The following ZNF425 variants were observed in gnomAD, a reference collection of about 807,000 sequenced individuals.
ZNF425 encodes zinc finger protein 425.
A neutral mutation model predicts 17.0 loss-of-function variants in ZNF425; 21 were observed. That is an observed-to-expected ratio of 1.23 (90% confidence interval 0.88 to 1.78). The LOEUF is 1.78. ZNF425 is among the 40% of genes most tolerant of loss of function. The pLI, the probability that ZNF425 is intolerant of heterozygous loss-of-function variation, is 0.00. For missense variants in ZNF425, 868 were observed against 967.3 expected, an observed-to-expected ratio of 0.90 and a Z score of 1.36; for synonymous variants, 433 against 384.1, an observed-to-expected ratio of 1.13 and a Z score of -1.49.
chr7:149,126,127 G>T, intron 1 of ZNF425, 69 bp downstream of exon 1: 3 of 1,609,374 alleles, frequency 1.9e-6, no homozygotes, highest in East Asian at 2.2e-5. Flanking sequence ...CCTGGACGCG[G>T]ACCCCAATCC....
chr7:149,105,258 A>AG lies in ZNF425; in HGVS notation c.612_613insC (p.Leu206AlafsTer45), dbSNP rs1465260888. On this transcript the variant is annotated frameshift_variant, in exon 4 of 4. Transcript: ENST00000378061. LOFTEE classifies it low-confidence loss of function (END_TRUNC). Reference sequence around the variant, plus strand: ...GAGTGGCTCCGTTTGTGCTTTAGCAAATCCCTCCTTACTTGGAAGACTTTC... The same window carrying AG: ...GAGTGGCTCCGTTTGTGCTTTAGCAAGATCCCTCCTTACTTGGAAGACTTTC... The AG allele has an allele frequency of 6.2e-7, 1 of 1,614,032 alleles. No individual in the cohort carries two copies. The highest frequency in any genetic ancestry group is 8.5e-7 in the Non-Finnish European group (1 of 1,180,028).
At chr7:149,109,897 G>A (rs1440003296) in intron 3 of ZNF425, among the ~76,000 whole-genome samples, 1 of 143,726 alleles carries the variant, frequency 7.0e-6, no homozygotes, top group East Asian at 2.0e-4. Context: ...TTTTTTTGGA[G>A]ACAGAGTCTC....
At position 149,104,354 on chromosome 7, in the gene ZNF425, G is replaced by A. The variant is rs1428005511; in HGVS notation, c.1517C>T (p.Thr506Ile). 6.2e-7 allele frequency: 1 copy of A among 1,612,836 alleles called. No homozygotes were observed. Among genetic ancestry groups the A allele is most frequent in the Non-Finnish European group, 8.5e-7 (1 of 1,179,692 alleles). Residue 506 changes from threonine to isoleucine, a missense_variant, in exon 4 of 4, where the codon ACC becomes ATC. This residue lies in a region of ZNF425 where 437 missense variants were observed against 444.2 expected (regional missense o/e 0.98). Coordinates refer to ENST00000378061, the MANE Select transcript of ZNF425 (RefSeq NM_001001661.3). This position sits in a 1 kb window ranked among gnomAD's most constrained non-coding sequence, Gnocchi z 4.3. The stretch of plus-strand genomic sequence containing the variant: ...CGTGAGCCGCGACTGCTGAGAAAAG[G>A]TCTTTTTGCACTCGCCGCAGGGAAA... ...KEFPCGECKKTFSQQSRLTQH... is the reference protein window; with the variant it reads ...KEFPCGECKKIFSQQSRLTQH...
intron 3 of ZNF425, 50 bp from the exon 4 acceptor site, chr7:149,105,616 A>T: frequency 7.4e-7 from 1 of 1,355,196 alleles, no homozygotes; most frequent in Non-Finnish European, 9.6e-7. Context: ...CTACCCTATA[A>T]ATGGGTTCAA....
intron 3 of ZNF425, among the ~76,000 whole-genome samples, chr7:149,111,590 T>TAAAAAAAAAAAAAAAAAAAAAAAAA (rs60783786): frequency 1.8e-5 from 1 of 54,382 alleles, no homozygotes; most frequent in Non-Finnish European, 3.3e-5. Context: ...AGACTCTGTC[T>TAAAAAAAAAAAAAAAAAAAAAAAAA]AAAAAAAAAA....
chr7:149,103,653 G>A lies in ZNF425; in HGVS notation c.2218C>T (p.His740Tyr). The change falls in exon 4 of 4, where the codon CAC (histidine) becomes TAC (tyrosine). Residue 740 changes from histidine (H) to tyrosine (Y), a missense_variant. His to Tyr is a moderately conservative substitution (Grantham distance 83). Transcript: ENST00000378061. ...TTCTCTTTGGCATGCACTGCAATGT[G>A]GGTCTTGAGCGCCCCCACGTACGTG... Reference protein sequence around the residue: ...SFTYVGALKTHIAVHAKEKPS... With the variant: ...SFTYVGALKTYIAVHAKEKPS... 1 of 1,613,060 alleles carries A rather than the reference G, an allele frequency of 6.2e-7. No homozygotes were observed. The highest frequency in any genetic ancestry group is 1.3e-5 in the African/African-American group (1 of 74,986).
chr7:149,124,911 T>C (rs779641763), intron 1 of ZNF425, among the ~76,000 whole-genome samples: 4 of 152,250 alleles, frequency 2.6e-5, no homozygotes, highest in Non-Finnish European at 5.9e-5. Flanking sequence ...ACTGCTACAG[T>C]GGAAAGGAAA....
Position 149,104,031 on chromosome 7 carries a change from C to A in ZNF425, c.1840G>T (p.Glu614Ter). 1 of 1,613,768 alleles carries A rather than the reference C, an allele frequency of 6.2e-7. No individual in the cohort carries two copies. Among genetic ancestry groups the A allele is most frequent in the Non-Finnish European group, 8.5e-7 (1 of 1,179,800 alleles). The change falls in exon 4 of 4, where the codon GAA becomes TAA. Residue 614 changes from glutamate (E) to a stop codon, truncating the protein, a stop_gained. Coordinates refer to ENST00000378061, the MANE Select transcript of ZNF425 (RefSeq NM_001001661.3). LOFTEE classifies it low-confidence loss of function (END_TRUNC). The surrounding 1 kb of genome is among the most constrained non-coding windows in gnomAD (Gnocchi z 4.3). ...TTGAGGCGGAAAGTCTTCTCGCATT[C>A]AGGACACTGGTAGGGCTTCTCTCCA... ...HSGEKPYQCP[E>*]CEKTFRLKGN...
Position 149,104,606 on chromosome 7 carries a change from C to T in ZNF425, c.1265G>A (p.Ser422Asn). 1 of 1,614,138 alleles carries T rather than the reference C, an allele frequency of 6.2e-7. No individual in the cohort carries two copies. ...KPFSCPECNK[S>N]FRLKRSLKAH... Reference sequence around the variant, plus strand: ...TTTCAGGCTTCTCTTGAGGCGGAAACTTTTGTTACACTCGGGACACGAAAA... The same window carrying T: ...TTTCAGGCTTCTCTTGAGGCGGAAATTTTTGTTACACTCGGGACACGAAAA... The change falls in exon 4 of 4, where the codon AGT (serine) becomes AAT (asparagine). Residue 422 changes from serine (S) to asparagine (N), a missense_variant. Transcript: ENST00000378061. This position sits in a 1 kb window ranked among gnomAD's most constrained non-coding sequence, Gnocchi z 4.3.
intron 1 of ZNF425, 22 bp from the exon 2 acceptor site, chr7:149,118,370 A>G: frequency 6.2e-7 from 1 of 1,613,028 alleles, no homozygotes; most frequent in Non-Finnish European, 8.5e-7. Context: ...AATAGTATAC[A>G]CATACATTTT....
chr7:149,118,722 G>A, intron 1 of ZNF425: 1 of 342,220 alleles, frequency 2.9e-6, no homozygotes, highest in South Asian at 2.3e-5. Context: ...AGCTGAGGCA[G>A]GAGAATCGTT....
At chr7:149,118,102 CATT>C (rs1826295503) in intron 2 of ZNF425, 117 bp downstream of exon 2, 4 of 1,069,768 alleles carry the variant, frequency 3.7e-6, no homozygotes, top group Admixed American at 4.3e-5. Flanking sequence ...AGGGAGGAGA[CATT>C]ATGAATGTAA....
In ZNF425 at chr7:149,123,174, G is replaced by A. The variant is rs1039057489; in HGVS notation, c.18+3022C>T. 5.9e-5 allele frequency among the ~76,000 whole-genome samples: 9 copies of A among 152,146 alleles called. No homozygotes were observed. In the East Asian group the frequency reaches 1.3e-3, roughly 23 times the overall value. ...TAGTATGGACTGAACTAACCAGGGC[G>A]GCTCTTCCTGGGTGTTTGAGGACAG... On this transcript the variant is annotated intron_variant, in intron 1 of 3. Coordinates refer to ENST00000378061, the MANE Select transcript of ZNF425 (RefSeq NM_001001661.3).
chr7:149,119,138 G>A (rs1386419810), intron 1 of ZNF425, among the ~76,000 whole-genome samples: 1 of 142,180 alleles, frequency 7.0e-6, no homozygotes, highest in Non-Finnish European at 1.5e-5. Flanking sequence ...TTGAGATGGA[G>A]TCTCTCTCTG....
At chr7:149,115,989 A>G (rs1308778649) in intron 2 of ZNF425, among the ~76,000 whole-genome samples, 1 of 152,176 alleles carries the variant, frequency 6.6e-6, no homozygotes, top group Non-Finnish European at 1.5e-5. Context: ...TAAAATTTGG[A>G]AAAATCTGGC....
Position 149,104,576 on chromosome 7 carries a change from T to G in ZNF425, c.1295A>C (p.His432Pro). The change falls in exon 4 of 4, where the codon CAC becomes CCC. Residue 432 changes from histidine (H) to proline (P), a missense_variant. His to Pro is a moderately conservative substitution (Grantham distance 77, BLOSUM62 -2). Coordinates refer to ENST00000378061, the MANE Select transcript of ZNF425 (RefSeq NM_001001661.3). The surrounding 1 kb of genome is among the most constrained non-coding windows in gnomAD (Gnocchi z 4.3). Reference sequence around the variant, plus strand: ...CCGCTTCCCAATGTGCTGCAGCCCGTGGGCTTTCAGGCTTCTCTTGAGGCG... The same window carrying G: ...CCGCTTCCCAATGTGCTGCAGCCCGGGGGCTTTCAGGCTTCTCTTGAGGCG... ...SFRLKRSLKA[H>P]GLQHIGKRPF... is the part of the protein sequence containing the mutation. The G allele has an allele frequency of 6.2e-7, 1 of 1,614,070 alleles. No individual in the cohort carries two copies. The highest frequency in any genetic ancestry group is 8.5e-7 in the Non-Finnish European group (1 of 1,179,996).
At position 149,110,294 on chromosome 7, in the gene ZNF425, G is replaced by A. The variant is rs74302300; in HGVS notation, c.304+1843C>T. 5.0e-3 allele frequency among the ~76,000 whole-genome samples: 762 copies of A among 151,882 alleles called. 32 individuals are homozygous for A. In the East Asian group the frequency reaches 0.096, roughly 19 times the overall value. On this transcript the variant is annotated intron_variant, in intron 3 of 3. Transcript: ENST00000378061. ...GAAAAGCATTTGTGCAGCCGGGCAC[G>A]GTAGCTCACGCCTGTAATCCCAGCA...
Position 149,112,294 on chromosome 7 carries a change from C to T in ZNF425, c.147G>A (p.Gly49=). 3 of 1,613,206 alleles carry T rather than the reference C, an allele frequency of 1.9e-6. No individual in the cohort carries two copies. In the South Asian group the frequency reaches 3.3e-5, roughly 18 times the overall value. The part of the protein sequence containing the change: ...KTNYETLDSL[G]YAFSKPDLIT... ...TCAAATCTGGCTTGGAAAAAGCATA[C>T]CCTGCAAATAGAGTCCACACAGACT... The change falls in exon 3 of 4, where the codon GGG becomes GGA. Residue 49 remains glycine (G), a splice_region_variant and synonymous_variant. Transcript: ENST00000378061.
chr7:149,112,016 C>T, intron 3 of ZNF425, 121 bp downstream of exon 3: 1 of 1,013,622 alleles, frequency 9.9e-7, no homozygotes, highest in Non-Finnish European at 1.4e-6. Context: ...AGAAAACTAA[C>T]ATTCTCCATC....
Sources: gnomAD v4.1 joint callset for allele counts (sites outside exome capture counted in the v4.1 genomes callset) on GRCh38, gnomAD v4.1.1 for gene constraint, gnomAD v4.1.1 regional missense constraint, Gnocchi (gnomAD v3.1) non-coding constraint, MANE v1.5 for transcripts, NCBI Gene and HGNC (gene_info 2026-07-23, HGNC 2026-07-21) for gene names.